THSD7A: variants seen among roughly 807,000 people sequenced by gnomAD.
THSD7A encodes the protein thrombospondin type-1 domain-containing protein 7A.
A neutral mutation model predicts 231.3 loss-of-function variants in THSD7A; 96 were observed. The observed-to-expected ratio is 0.41, with a 90% CI of 0.35 to 0.49. The LOEUF is 0.49. Ranked by LOEUF, THSD7A falls within the 20% of genes least tolerant of loss-of-function variation. The pLI is 0.05. For missense variants in THSD7A, 2,290 were observed against 2,070.2 expected (o/e 1.11, Z -2.06); for synonymous variants, 940 against 743.3 (o/e 1.26, Z -4.30).
chr7:11,400,607 T>C (rs1783367945), intron 23 of THSD7A, among the ~76,000 whole-genome samples: 1 of 151,390 alleles, frequency 6.6e-6, no homozygotes, highest in Admixed American at 6.6e-5. Flanking sequence ...TTTTGACCTT[T>C]CTTTACTCTT....
chr7:11,811,892 AT>A (rs1396736997), intron 1 of THSD7A, among the ~76,000 whole-genome samples: 2 of 152,158 alleles, frequency 1.3e-5, no homozygotes, highest in Non-Finnish European at 2.9e-5. Flanking sequence ...AGCATTTTCT[AT>A]TGTTGATAAT....
chr7:11,487,000 C>G (rs1454419195), intron 6 of THSD7A, among the ~76,000 whole-genome samples: 1 of 152,098 alleles, frequency 6.6e-6, no homozygotes, highest in Admixed American at 6.6e-5. Context: ...TTTGTAAACT[C>G]AAAATGAGAT....
intron 1 of THSD7A, among the ~76,000 whole-genome samples, chr7:11,792,719 T>G (rs1783995493): frequency 1.3e-5 from 2 of 151,974 alleles, no homozygotes; most frequent in African/African-American, 4.8e-5. Context: ...AAATAAAAAT[T>G]TAAATATATA....
intron 13 of THSD7A, among the ~76,000 whole-genome samples, chr7:11,435,352 T>C (rs117645540): frequency 1.3e-5 from 2 of 152,128 alleles, no homozygotes; most frequent in Non-Finnish European, 2.9e-5. Flanking sequence ...CTCCTCAGAC[T>C]ACTTATGATT....
At chr7:11,540,963 C>T (rs1789121145) in intron 6 of THSD7A, among the ~76,000 whole-genome samples, 1 of 152,062 alleles carries the variant, frequency 6.6e-6, no homozygotes, top group Non-Finnish European at 1.5e-5. Flanking sequence ...TAAATGATAA[C>T]ACTAAGACAC....
chr7:11,686,025 T>A (rs1199688095), intron 1 of THSD7A, among the ~76,000 whole-genome samples: 1 of 151,916 alleles, frequency 6.6e-6, no homozygotes, highest in African/African-American at 2.4e-5. Flanking sequence ...CATGGAATAC[T>A]ATACAACCAT....
At chr7:11,452,904 G>A (rs372285159) in intron 11 of THSD7A, among the ~76,000 whole-genome samples, 1 of 151,856 alleles carries the variant, frequency 6.6e-6, no homozygotes, top group South Asian at 2.1e-4. Flanking sequence ...TATAAAACCT[G>A]GGTAATAACT....
chr7:11,482,728 C>T (rs959093588), intron 6 of THSD7A, among the ~76,000 whole-genome samples: 6 of 152,190 alleles, frequency 3.9e-5, no homozygotes, highest in Non-Finnish European at 7.3e-5. Context: ...CAAATGACCT[C>T]GCTGTGTTTC....
chr7:11,667,692 C>T (rs1334347138), intron 1 of THSD7A, among the ~76,000 whole-genome samples: 1 of 152,002 alleles, frequency 6.6e-6, no homozygotes, highest in East Asian at 1.9e-4. Flanking sequence ...AATGGCTAGA[C>T]AAATAAGTAA....
intron 2 of THSD7A, among the ~76,000 whole-genome samples, chr7:11,600,324 G>T (rs1174821431): frequency 6.6e-6 from 1 of 152,082 alleles, no homozygotes; most frequent in South Asian, 2.1e-4. Context: ...TAGGATACAT[G>T]TGGGTTTCCT....
chr7:11,601,243 G>GA (rs1258220467), intron 2 of THSD7A, among the ~76,000 whole-genome samples: 1 of 152,018 alleles, frequency 6.6e-6, no homozygotes, highest in Non-Finnish European at 1.5e-5. Context: ...TATGTGCAGA[G>GA]AAAGGATTAA....
chr7:11,796,854 G>C (rs1212303633), intron 1 of THSD7A, among the ~76,000 whole-genome samples: 1 of 151,856 alleles, frequency 6.6e-6, no homozygotes, highest in Non-Finnish European at 1.5e-5. Flanking sequence ...CCTATGTTAG[G>C]TCTTGTACAA....
At chr7:11,515,896 C>A (rs1328584398) in intron 6 of THSD7A, among the ~76,000 whole-genome samples, 1 of 152,162 alleles carries the variant, frequency 6.6e-6, no homozygotes, top group African/African-American at 2.4e-5. Context: ...GACTTCATAA[C>A]TGTGACTGCC....
At chr7:11,755,924 G>A (rs960563940) in intron 1 of THSD7A, among the ~76,000 whole-genome samples, 6 of 151,914 alleles carry the variant, frequency 3.9e-5, no homozygotes, top group Admixed American at 6.6e-5. Flanking sequence ...GGAAAAATAC[G>A]CCGTATACAT....
intron 1 of THSD7A, among the ~76,000 whole-genome samples, chr7:11,790,753 A>C (rs1010675110): frequency 3.9e-5 from 6 of 152,002 alleles, no homozygotes; most frequent in Admixed American, 6.6e-5. Context: ...GCCACACATA[A>C]ATATAATTAC....
chr7:11,717,237 A>G (rs1176127781), intron 1 of THSD7A, among the ~76,000 whole-genome samples: 1 of 151,702 alleles, frequency 6.6e-6, no homozygotes, highest in South Asian at 2.1e-4. Flanking sequence ...GGGTGTGTGA[A>G]AGACGGCCTC....
intron 4 of THSD7A, among the ~76,000 whole-genome samples, chr7:11,583,794 G>A (rs1246705382): frequency 6.6e-6 from 1 of 152,148 alleles, no homozygotes; most frequent in Non-Finnish European, 1.5e-5. Context: ...AGTAGTACCA[G>A]TGGAATGATA....
intron 6 of THSD7A, among the ~76,000 whole-genome samples, chr7:11,510,657 G>C (rs1413952625): frequency 6.6e-6 from 1 of 152,076 alleles, no homozygotes; most frequent in Non-Finnish European, 1.5e-5. Context: ...CATATAAAAG[G>C]AACTAAAGAC....
At chr7:11,459,286 C>T (rs1471216006) in intron 11 of THSD7A, among the ~76,000 whole-genome samples, 8 of 151,948 alleles carry the variant, frequency 5.3e-5, no homozygotes, top group Admixed American at 5.3e-4. Context: ...GAGACTAAAA[C>T]TTATGTTTCC....
Sources: gnomAD v4.1 joint callset for allele counts (sites outside exome capture counted in the v4.1 genomes callset) on GRCh38, gnomAD v4.1.1 for gene constraint, MANE v1.5 for transcripts, NCBI Gene and HGNC (gene_info 2026-07-23, HGNC 2026-07-21) for gene names.